Variants in HECW2 observed in about 807,000 individuals in gnomAD.
HECW2 encodes the protein HECT, C2 and WW domain containing E3 ubiquitin protein ligase 2.
In HECW2, 61 loss-of-function variants were observed where a neutral mutation model predicts 175.2. That is an observed-to-expected ratio of 0.35 (90% CI 0.28 to 0.43). The LOEUF is 0.43. Ranked by LOEUF, HECW2 falls within the 20% of genes least tolerant of loss-of-function variation. The pLI is 1.00. For synonymous variants in HECW2, 671 were observed against 731.0 expected, an observed-to-expected ratio of 0.92 and a Z score of 1.32; for missense variants, 1,524 against 2,000.5, an observed-to-expected ratio of 0.76 and a Z score of 4.54.
At chr2:196,588,152 T>C (rs1452403487) in intron 1 of HECW2, among the ~76,000 whole-genome samples, 1 of 152,244 alleles carries the variant, frequency 6.6e-6, no homozygotes. Context: ...TTTAGTTATT[T>C]GGTTTATTAT....
intron 1 of HECW2, among the ~76,000 whole-genome samples, chr2:196,522,104 G>C (rs1024327787): frequency 6.6e-5 from 10 of 152,172 alleles, no homozygotes; most frequent in African/African-American, 2.2e-4. Context: ...CACCAACAGT[G>C]TAAAAGTGTT....
intron 1 of HECW2, among the ~76,000 whole-genome samples, chr2:196,461,587 T>C (rs1422502226): frequency 6.6e-6 from 1 of 152,158 alleles, no homozygotes; most frequent in Non-Finnish European, 1.5e-5. Flanking sequence ...CTGGGTAATT[T>C]ATAAAGGAAA....
At chr2:196,218,134 C>T (rs1000894036) in intron 26 of HECW2, 3 of 152,260 alleles carry the variant, frequency 2.0e-5, no homozygotes, top group Admixed American at 6.5e-5. Context: ...AGTTTCTCAT[C>T]TACAAAAGAA....
chr2:196,297,243 C>A (rs78689800), intron 13 of HECW2, among the ~76,000 whole-genome samples: 10,595 of 152,280 alleles, frequency 0.07, 426 homozygotes, highest in East Asian at 0.13. Context: ...GTTATTCCTT[C>A]TCAATTCCAA....
At chr2:196,495,525 A>T (rs1301346877) in intron 1 of HECW2, among the ~76,000 whole-genome samples, 2 of 152,228 alleles carry the variant, frequency 1.3e-5, no homozygotes, top group Non-Finnish European at 2.9e-5. Context: ...AATAGGAAAG[A>T]TCTAGGGAAG....
At chr2:196,578,134 T>C (rs192393268) in intron 1 of HECW2, among the ~76,000 whole-genome samples, 18 of 152,144 alleles carry the variant, frequency 1.2e-4, no homozygotes, top group African/African-American at 4.3e-4. Context: ...AGTATAAAAA[T>C]GATGCTTCAC....
At chr2:196,254,622 T>A (rs1688983808) in intron 18 of HECW2, among the ~76,000 whole-genome samples, 1 of 152,224 alleles carries the variant, frequency 6.6e-6, no homozygotes, top group Non-Finnish European at 1.5e-5. Flanking sequence ...AAATGTCTGT[T>A]TCTGATATTC....
chr2:196,222,377 A>C (rs772641073), intron 23 of HECW2, 37 bp from the exon 24 acceptor site: 5 of 1,603,100 alleles, frequency 3.1e-6, no homozygotes, highest in Non-Finnish European at 4.3e-6. Flanking sequence ...ATATGTAGGC[A>C]TGGCTATTAG....
chr2:196,521,810 A>T (rs1350797996), intron 1 of HECW2, among the ~76,000 whole-genome samples: 5 of 149,316 alleles, frequency 3.3e-5, no homozygotes, highest in Admixed American at 2.0e-4. Context: ...AAGGACATGA[A>T]CTCATCATTT....
chr2:196,220,551 T>A (rs1687628880), intron 25 of HECW2, among the ~76,000 whole-genome samples: 1 of 152,190 alleles, frequency 6.6e-6, no homozygotes, highest in African/African-American at 2.4e-5. Context: ...TTACTAGTGG[T>A]CATTAAATCA....
At chr2:196,230,622 A>G (rs1183418140) in intron 21 of HECW2, among the ~76,000 whole-genome samples, 1 of 152,170 alleles carries the variant, frequency 6.6e-6, no homozygotes, top group Non-Finnish European at 1.5e-5. Flanking sequence ...TCTTCTCAGC[A>G]CAGAGCTTAG....
intron 1 of HECW2, among the ~76,000 whole-genome samples, chr2:196,567,753 T>C (rs1364424510): frequency 1.3e-5 from 2 of 152,350 alleles, no homozygotes; most frequent in East Asian, 3.9e-4. Context: ...GTCTTCTTTA[T>C]CTTCTACAAT....
chr2:196,313,858 C>T (rs1006515733), intron 10 of HECW2, among the ~76,000 whole-genome samples: 2 of 152,130 alleles, frequency 1.3e-5, no homozygotes, highest in African/African-American at 4.8e-5. Context: ...TCAAGGCCAG[C>T]CCTGGCAACA....
At chr2:196,513,486 G>C (rs59831541) in intron 1 of HECW2, among the ~76,000 whole-genome samples, 12,450 of 152,192 alleles carry the variant, frequency 0.082, 654 homozygotes, top group South Asian at 0.15. Context: ...CTTCAGCCTG[G>C]GTGACAGAGT....
At chr2:196,356,831 T>G (rs897212666) in intron 2 of HECW2, among the ~76,000 whole-genome samples, 1 of 152,210 alleles carries the variant, frequency 6.6e-6, no homozygotes, top group East Asian at 1.9e-4. Context: ...TTATCATAGG[T>G]ATATATGTAT....
intron 1 of HECW2, among the ~76,000 whole-genome samples, chr2:196,590,937 C>T (rs1378636939): frequency 1.3e-5 from 2 of 152,202 alleles, no homozygotes; most frequent in Non-Finnish European, 2.9e-5. Context: ...TGCTCATAAT[C>T]TTCATTAAAT....
chr2:196,501,547 G>A (rs780231823), intron 1 of HECW2, among the ~76,000 whole-genome samples: 6 of 152,004 alleles, frequency 3.9e-5, no homozygotes, highest in Non-Finnish European at 8.8e-5. Flanking sequence ...CACCATGCCT[G>A]GCCAAGAATT....
intron 1 of HECW2, among the ~76,000 whole-genome samples, chr2:196,542,000 A>T (rs557479074): frequency 2.0e-5 from 3 of 152,308 alleles, no homozygotes; most frequent in Non-Finnish European, 1.5e-5. Context: ...ACGGTGGCTC[A>T]TGCCTGTAAT....
intron 5 of HECW2, among the ~76,000 whole-genome samples, chr2:196,328,367 T>C (rs540495700): frequency 1.2e-3 from 189 of 152,276 alleles, no homozygotes; most frequent in African/African-American, 3.9e-3. Context: ...ACAAATTTAT[T>C]GGCCAAATTT....
Sources: gnomAD v4.1 joint callset for allele counts (sites outside exome capture counted in the v4.1 genomes callset) on GRCh38, gnomAD v4.1.1 for gene constraint, MANE v1.5 for transcripts, NCBI Gene and HGNC (gene_info 2026-07-23, HGNC 2026-07-21) for gene names.